RAP1A: variants seen among roughly 807,000 people sequenced by gnomAD.
RAP1A encodes the protein ras-related protein Rap-1A.
Under a neutral mutation model 26.4 loss-of-function variants are expected in RAP1A, and 6 were observed. The ratio of observed to expected loss-of-function variants is 0.23; its 90% CI spans 0.12 to 0.45. The LOEUF (loss-of-function observed/expected upper bound fraction) is 0.45. Among genes scored for constraint, RAP1A ranks in the 20% least tolerant of loss-of-function variants. RAP1A has a pLI of 0.99. For synonymous variants in RAP1A, 73 were observed against 79.4 expected (o/e 0.92, Z 0.43); for missense variants, 121 against 217.2 (o/e 0.56, Z 2.78).
chr1:111,618,123 C>T (rs139360585), upstream of RAP1A, among the ~76,000 whole-genome samples: 44 of 152,174 alleles, frequency 2.9e-4, no homozygotes, highest in East Asian at 8.1e-3. Flanking sequence ...ATCTCAAGTA[C>T]CTCTCTGGCT....
intron 1 of RAP1A, among the ~76,000 whole-genome samples, chr1:111,677,422 T>C (rs1444260483): frequency 1.3e-5 from 2 of 152,212 alleles, no homozygotes; most frequent in African/African-American, 2.4e-5. Flanking sequence ...TGACCCAAAT[T>C]TTATTGGCTT....
chr1:111,553,575 T>C (rs958038991), intron 1 of RAP1A, among the ~76,000 whole-genome samples: 1 of 152,226 alleles, frequency 6.6e-6, no homozygotes, highest in Non-Finnish European at 1.5e-5. Flanking sequence ...TCCTTAAACC[T>C]AATTTCTACT....
chr1:111,619,804 G>A lies in RAP1A; in HGVS notation c.-158G>A, dbSNP rs955743588. Reference sequence around the variant, plus strand: ...AGGAGGCGCCGCCGCCGCTCCCGAGGCCCCTGCCGCCGCCGCTCCCGCTGC... The same window carrying A: ...AGGAGGCGCCGCCGCCGCTCCCGAGACCCCTGCCGCCGCCGCTCCCGCTGC... On this transcript the variant is annotated 5_prime_UTR_variant, in exon 1 of 8. Transcript: ENST00000369709. 5.0e-6 allele frequency: 2 copies of A among 399,044 alleles called. No homozygotes were observed. The highest frequency in any genetic ancestry group is 8.8e-6 in the Non-Finnish European group (2 of 226,682). The allele number at this position is 399,044 out of a possible 1,614,324, so 24.7% of individuals were successfully genotyped here.
chr1:111,575,117 C>T (rs1051826995), intron 1 of RAP1A, among the ~76,000 whole-genome samples: 4 of 152,010 alleles, frequency 2.6e-5, no homozygotes, highest in Admixed American at 6.6e-5. Flanking sequence ...ACCTGTATGA[C>T]ATTACCTAAG....
chr1:111,676,362 A>G (rs1661124517), intron 1 of RAP1A, among the ~76,000 whole-genome samples: 1 of 152,128 alleles, frequency 6.6e-6, no homozygotes, highest in South Asian at 2.1e-4. Flanking sequence ...AAAATAAAAA[A>G]TAAATAAGGT....
intron 5 of RAP1A, 104 bp from the exon 6 acceptor site, chr1:111,704,239 A>C: frequency 1.6e-6 from 2 of 1,258,982 alleles, no homozygotes; most frequent in African/African-American, 3.0e-5. Flanking sequence ...TTGCGGTCCC[A>C]ACTAATGCAT....
intron 1 of RAP1A, among the ~76,000 whole-genome samples, chr1:111,613,363 C>T (rs1401322721): frequency 2.0e-5 from 3 of 152,058 alleles, no homozygotes; most frequent in Non-Finnish European, 4.4e-5. Flanking sequence ...CCATGCCCGG[C>T]TAATGTTTTG....
At chr1:111,688,384 A>G (rs927250039) in intron 1 of RAP1A, among the ~76,000 whole-genome samples, 3 of 148,410 alleles carry the variant, frequency 2.0e-5, no homozygotes, top group South Asian at 2.1e-4. Context: ...CTGTGGTGCA[A>G]TCTCGGCTCA....
intron 7 of RAP1A, 108 bp downstream of exon 7, chr1:111,709,372 T>A: frequency 7.9e-7 from 1 of 1,267,446 alleles, no homozygotes; most frequent in Non-Finnish European, 1.0e-6. Context: ...TAAGCTTCTG[T>A]AACTTGTAAA....
chr1:111,707,777 A>C (rs977229393), intron 6 of RAP1A, among the ~76,000 whole-genome samples: 1 of 152,228 alleles, frequency 6.6e-6, no homozygotes, highest in Non-Finnish European at 1.5e-5. Flanking sequence ...ATACTTTGGC[A>C]TCAGAATTAA....
chr1:111,628,843 C>A (rs1659479035), intron 1 of RAP1A, among the ~76,000 whole-genome samples: 1 of 152,092 alleles, frequency 6.6e-6, no homozygotes, highest in Admixed American at 6.6e-5. Flanking sequence ...TTGGTTGTTA[C>A]TATTGTTTTT....
At chr1:111,569,391 C>CAAAAAAAAAAAAAAAAAAAAA (rs34387699) in intron 1 of RAP1A, among the ~76,000 whole-genome samples, 1 of 104,542 alleles carries the variant, frequency 9.6e-6, no homozygotes. Flanking sequence ...ACTCCGTCTC[C>CAAAAAAAAAAAAAAAAAAAAA]AAAAAAAAAA....
chr1:111,646,421 A>G (rs1344678947), intron 1 of RAP1A, among the ~76,000 whole-genome samples: 1 of 92,654 alleles, frequency 1.1e-5, no homozygotes, highest in East Asian at 2.5e-4. Context: ...TCCTTTTTGT[A>G]AAAAAAAAAA....
At chr1:111,579,469 T>A (rs1232883178) in intron 1 of RAP1A, among the ~76,000 whole-genome samples, 1 of 152,206 alleles carries the variant, frequency 6.6e-6, no homozygotes, top group Admixed American at 6.5e-5. Context: ...AGGTACTTTA[T>A]GAAGTTTATC....
chr1:111,648,129 G>A (rs1246192130), intron 1 of RAP1A, among the ~76,000 whole-genome samples: 2 of 150,576 alleles, frequency 1.3e-5, no homozygotes, highest in Non-Finnish European at 2.9e-5. Context: ...GGAGTGCAGT[G>A]GCACAATCTT....
chr1:111,678,460 C>T (rs561112328), intron 1 of RAP1A, among the ~76,000 whole-genome samples: 4 of 152,178 alleles, frequency 2.6e-5, no homozygotes, highest in African/African-American at 9.6e-5. Flanking sequence ...GGAGAAATGC[C>T]TTGTTAGTCA....
At chr1:111,604,650 T>C (rs1407325391) in intron 1 of RAP1A, 1 of 152,256 alleles carries the variant, frequency 6.6e-6, no homozygotes, top group African/African-American at 2.4e-5. Context: ...ATTTATCTTC[T>C]TTGGTGCCCT....
At chr1:111,634,924 T>G (rs1353615811) in intron 1 of RAP1A, among the ~76,000 whole-genome samples, 1 of 152,186 alleles carries the variant, frequency 6.6e-6, no homozygotes, top group Non-Finnish European at 1.5e-5. Flanking sequence ...GTTACAGGCA[T>G]GAGCCACCAC....
At chr1:111,544,441 A>T (rs1337235980) in intron 1 of RAP1A, among the ~76,000 whole-genome samples, 1 of 152,222 alleles carries the variant, frequency 6.6e-6, no homozygotes, top group African/African-American at 2.4e-5. Flanking sequence ...ATTTCTATAG[A>T]TGAAATAATA....
Sources: allele counts gnomAD v4.1 joint callset (sites outside exome capture counted in the v4.1 genomes callset), GRCh38; gene constraint gnomAD v4.1.1; transcripts MANE v1.5; gene names NCBI Gene and HGNC (gene_info 2026-07-23, HGNC 2026-07-21).